Variants in TECPR2 observed in about 807,000 individuals in gnomAD.
TECPR2 encodes the protein tectonin beta-propeller repeat containing 2.
In TECPR2, 65 loss-of-function variants were observed where a neutral mutation model predicts 138.1. That is an observed-to-expected ratio of 0.47 (90% CI 0.39 to 0.58). The LOEUF is 0.58. TECPR2 is among the 20% of genes least tolerant of loss of function. TECPR2 has a pLI of 0.00. For missense variants in TECPR2, 1,553 were observed against 1,824.5 expected (o/e 0.85, Z 2.71); for synonymous variants, 746 against 749.8 (o/e 0.99, Z 0.08).
intron 2 of TECPR2, among the ~76,000 whole-genome samples, chr14:102,384,113 T>C (rs1887920417): frequency 6.6e-6 from 1 of 151,624 alleles, no homozygotes; most frequent in Non-Finnish European, 1.5e-5. Context: ...GAGACAGGGT[T>C]TCTCCGTGTT....
At chr14:102,368,200 G>A (rs761300179) in intron 1 of TECPR2, among the ~76,000 whole-genome samples, 6 of 151,626 alleles carry the variant, frequency 4.0e-5, no homozygotes, top group Non-Finnish European at 7.4e-5. Context: ...GTAGAGACAG[G>A]GTTTCACCAT....
At chr14:102,468,938 G>T (rs1890607291) in intron 17 of TECPR2, among the ~76,000 whole-genome samples, 1 of 152,174 alleles carries the variant, frequency 6.6e-6, no homozygotes, top group Admixed American at 6.5e-5. Context: ...TTTGCTACTG[G>T]ACTCTTAGTT....
intron 15 of TECPR2, among the ~76,000 whole-genome samples, chr14:102,451,242 G>A (rs915200969): frequency 6.6e-6 from 1 of 152,208 alleles, no homozygotes; most frequent in Non-Finnish European, 1.5e-5. Flanking sequence ...CCGCTTAGCT[G>A]GGAGCCCCGG....
rs1889019273 is a variant in TECPR2 at position 102,416,143 on chromosome 14, CAG to C, written c.638+1353_638+1354del. On this transcript the variant is annotated intron_variant, in intron 5 of 19. Coordinates refer to ENST00000359520, the MANE Select transcript of TECPR2 (RefSeq NM_014844.5). ...TTTTCTTTTTCTTTTTTGTTTGAGA[CAG>C]AGTTTTGCTCTTCTTGCCCAGGCTG... Among the ~76,000 whole-genome samples the C allele has an allele frequency of 2.6e-5, 4 of 151,878 alleles. No homozygotes were observed. The South Asian group carries it at 6.2e-4, about 24-fold the overall frequency.
chr14:102,498,915 CGCACT>C lies in TECPR2; in HGVS notation c.*663_*667del, dbSNP rs1567367264. On this transcript the variant is annotated 3_prime_UTR_variant, in exon 20 of 20. Coordinates refer to ENST00000359520, the MANE Select transcript of TECPR2 (RefSeq NM_014844.5). ...CACAGCACACCTCACCACACCACAC[CGCACT>C]GCACCATACCTCACCACATCTCACC... The C allele has an allele frequency of 2.9e-6, 2 of 687,138 alleles. No individual in the cohort carries two copies. The highest frequency in any genetic ancestry group is 1.5e-5 in the South Asian group (1 of 66,566). The allele number at this position is 687,138 out of a possible 1,614,324, so 42.6% of individuals were successfully genotyped here.
chr14:102,463,191 C>A (rs576756488), intron 16 of TECPR2, among the ~76,000 whole-genome samples: 1 of 151,780 alleles, frequency 6.6e-6, no homozygotes, highest in African/African-American at 2.4e-5. Flanking sequence ...GAGGCCGAGA[C>A]GGATCACCTG....
chr14:102,377,199 A>C (rs1887665050), intron 2 of TECPR2, among the ~76,000 whole-genome samples: 1 of 152,248 alleles, frequency 6.6e-6, no homozygotes, highest in Non-Finnish European at 1.5e-5. Context: ...TCTGTTGTCC[A>C]GCCTAGAGTG....
chr14:102,369,915 A>G (rs1887455910), intron 1 of TECPR2, among the ~76,000 whole-genome samples: 1 of 152,054 alleles, frequency 6.6e-6, no homozygotes, highest in South Asian at 2.1e-4. Flanking sequence ...AGATCGCATC[A>G]CTGTACTCCA....
At chr14:102,379,674 A>G (rs1257326415) in intron 2 of TECPR2, among the ~76,000 whole-genome samples, 1 of 142,992 alleles carries the variant, frequency 7.0e-6, no homozygotes, top group Admixed American at 6.9e-5. Flanking sequence ...CCATGCACAG[A>G]GGCATCTTAG....
chr14:102,420,939 C>T lies in TECPR2; in HGVS notation c.639-4040C>T, dbSNP rs75317304. Among the ~76,000 whole-genome samples the T allele has an allele frequency of 8.4e-3, 1,279 of 152,292 alleles. 11 individuals carry two copies. Among genetic ancestry groups the T allele is most frequent in the African/African-American group, 0.029 (1,202 of 41,562 alleles). On this transcript the variant is annotated intron_variant, in intron 5 of 19. Transcript: ENST00000359520. The surrounding 1 kb of genome is among the most constrained non-coding windows in gnomAD (Gnocchi z 4.1). The stretch of plus-strand genomic sequence containing the variant: ...GAGCAGCTCTTTGAGCCTCAGATGG[C>T]GCTTCCAGATGCTGATGTGATTGTT...
chr14:102,404,797 C>G (rs1368800620), intron 2 of TECPR2, among the ~76,000 whole-genome samples: 2 of 151,760 alleles, frequency 1.3e-5, no homozygotes, highest in Non-Finnish European at 2.9e-5. Context: ...TGGTCTGGAA[C>G]TCTTGACCTC....
intron 2 of TECPR2, among the ~76,000 whole-genome samples, chr14:102,391,676 C>T (rs1888180675): frequency 6.6e-6 from 1 of 152,166 alleles, no homozygotes; most frequent in Admixed American, 6.5e-5. Context: ...AACCAGCTGG[C>T]ATCCTAAGCA....
chr14:102,443,502 T>C lies in TECPR2; in HGVS notation c.2753-145T>C. On this transcript the variant is annotated intron_variant, in intron 11 of 19. Coordinates refer to ENST00000359520, the MANE Select transcript of TECPR2 (RefSeq NM_014844.5). The surrounding 1 kb of genome is among the most constrained non-coding windows in gnomAD (Gnocchi z 4.9). The stretch of plus-strand genomic sequence containing the variant: ...CCCGTCTATATTTTTAATTAATTAA[T>C]TAATTAAAGTTTTTTTTTAAAGCAC... 1 of 678,182 alleles carries C rather than the reference T, an allele frequency of 1.5e-6. No homozygotes were observed. 42.0% of individuals were successfully genotyped at this position (678,182 alleles called of 1,614,324 possible).
chr14:102,451,889 C>G (rs1226918366), intron 15 of TECPR2, among the ~76,000 whole-genome samples: 1 of 152,092 alleles, frequency 6.6e-6, no homozygotes, highest in Non-Finnish European at 1.5e-5. Context: ...CTTCCTAAGC[C>G]TTCTCCAGCA....
intron 2 of TECPR2, among the ~76,000 whole-genome samples, chr14:102,404,566 A>G (rs948149984): frequency 6.7e-6 from 1 of 149,734 alleles, no homozygotes; most frequent in Non-Finnish European, 1.5e-5. Context: ...ACCCTCTTAT[A>G]TAGTCAAGTG....
chr14:102,497,179 G>A, intron 18 of TECPR2, 59 bp downstream of exon 18: 1 of 1,570,296 alleles, frequency 6.4e-7, no homozygotes, highest in African/African-American at 1.3e-5. Flanking sequence ...ATCACTGGGG[G>A]CTGCTGGGCG....
At chr14:102,409,728 G>A (rs944130192) in intron 4 of TECPR2, among the ~76,000 whole-genome samples, 1 of 152,130 alleles carries the variant, frequency 6.6e-6, no homozygotes, top group Admixed American at 6.5e-5. Context: ...TTAGAAAGAG[G>A]ACCCCAAAGC....
intron 6 of TECPR2, among the ~76,000 whole-genome samples, chr14:102,427,198 C>T (rs17717824): frequency 0.041 from 6,191 of 152,310 alleles, 146 homozygotes; most frequent in Middle Eastern, 0.086. Flanking sequence ...ACCCTTTCCT[C>T]AGTTACAGAG....
chr14:102,479,016 C>CA (rs34162369), intron 17 of TECPR2, among the ~76,000 whole-genome samples: 3,610 of 101,890 alleles, frequency 0.035, 63 homozygotes, highest in Non-Finnish European at 0.051. Context: ...GGCCCTGTCT[C>CA]AAAAAAAAAA....
Sources: allele counts gnomAD v4.1 joint callset (sites outside exome capture counted in the v4.1 genomes callset), GRCh38; gene constraint gnomAD v4.1.1; non-coding constraint Gnocchi (gnomAD v3.1); transcripts MANE v1.5; gene names NCBI Gene and HGNC (gene_info 2026-07-23, HGNC 2026-07-21).